The following GPR83 variants were observed in gnomAD, a reference collection of about 807,000 sequenced individuals.
The protein encoded by GPR83 is G protein-coupled receptor 83.
GPR83 carries 23 observed loss-of-function variants against 28.0 expected under a neutral mutation model. The ratio of observed to expected loss-of-function variants is 0.82; its 90% confidence interval spans 0.59 to 1.16. The LOEUF (loss-of-function observed/expected upper bound fraction) is 1.16. GPR83 is among the 50% of genes most tolerant of loss of function. The pLI, the probability that GPR83 is intolerant of heterozygous loss-of-function variation, is 0.00. For synonymous variants in GPR83, 234 were observed against 215.4 expected, an observed-to-expected ratio of 1.09 and a Z score of -0.76; for missense variants, 610 against 536.6, an observed-to-expected ratio of 1.14 and a Z score of -1.35.
At chr11:94,397,931 A>C (rs1418442952) in intron 1 of GPR83, among the ~76,000 whole-genome samples, 1 of 152,230 alleles carries the variant, frequency 6.6e-6, no homozygotes, top group Non-Finnish European at 1.5e-5. Flanking sequence ...TTCTTTGCAG[A>C]GGACAGGGAG....
At position 94,382,364 on chromosome 11, in the gene GPR83, A is replaced by T. The variant is rs1205428018; in HGVS notation, c.648-1591T>A. Reference sequence around the variant, plus strand: ...ATCTCAAAAAAAAAAAAAAAAAAAAAAAAGCAGGAGTTACAATCCTAATCT... The same window carrying T: ...ATCTCAAAAAAAAAAAAAAAAAAAATAAAGCAGGAGTTACAATCCTAATCT... On this transcript the variant is annotated intron_variant, in intron 3 of 3. Coordinates refer to ENST00000243673, the MANE Select transcript of GPR83 (RefSeq NM_016540.4). Among the ~76,000 whole-genome samples the T allele has an allele frequency of 5.3e-5, 8 of 151,444 alleles. 2 individuals carry two copies. The South Asian group carries it at 1.7e-3, about 31-fold the overall frequency.
intron 3 of GPR83, among the ~76,000 whole-genome samples, chr11:94,382,133 A>G (rs7933308): frequency 0.53 from 80,850 of 151,864 alleles, 22,021 homozygotes; most frequent in East Asian, 0.64. Context: ...TGGGCGGATC[A>G]CCTGAGGTCA....
chr11:94,392,608 T>A (rs71477695), intron 3 of GPR83, among the ~76,000 whole-genome samples: 1 of 152,018 alleles, frequency 6.6e-6, no homozygotes, highest in African/African-American at 2.4e-5. Flanking sequence ...GCGGATAACC[T>A]GAGATCAGAA....
chr11:94,383,306 T>C (rs985173513), intron 3 of GPR83, among the ~76,000 whole-genome samples: 6 of 152,064 alleles, frequency 3.9e-5, no homozygotes, highest in African/African-American at 1.4e-4. Context: ...AGACACAACG[T>C]ACCAGAATCT....
At chr11:94,396,287 G>A (rs1044515242) in intron 2 of GPR83, 112 bp downstream of exon 2, 33 of 972,366 alleles carry the variant, frequency 3.4e-5, no homozygotes, top group Non-Finnish European at 5.0e-5. Flanking sequence ...AATAAGAAGA[G>A]AAACACACTC....
intron 1 of GPR83, among the ~76,000 whole-genome samples, chr11:94,399,638 G>A (rs1444814093): frequency 6.6e-6 from 1 of 152,210 alleles, no homozygotes; most frequent in Non-Finnish European, 1.5e-5. Context: ...TGGACTTGTG[G>A]GGGTTCATCC....
Position 94,380,271 on chromosome 11 carries a change from C to T in GPR83, c.1150G>A (p.Ala384Thr), listed in dbSNP as rs1230829644. ...TGGCCATCATTCTTCTCTGTCCAGG[C>T]CACCCTGAAGGAAGGAACTGGGGAG... ...PPSPVPSFRV[A>T]WTEKNDGQRA... The change falls in exon 4 of 4, where the codon GCC (alanine) becomes ACC (threonine). Residue 384 changes from alanine to threonine, a missense_variant. Physicochemically the swap from Ala to Thr is moderately conservative, Grantham distance 58. Transcript: ENST00000243673. 23 of 1,574,974 alleles carry T rather than the reference C, an allele frequency of 1.5e-5. No homozygotes were observed. The highest frequency in any genetic ancestry group is 2.4e-5 in the South Asian group (2 of 83,176).
chr11:94,380,468 T>A lies in GPR83; in HGVS notation c.953A>T (p.Lys318Met). Residue 318 changes from lysine (K) to methionine (M), a missense_variant, in exon 4 of 4, where the codon AAG becomes ATG. Transcript: ENST00000243673. ...LNCYVLLLSS[K>M]VIRTNNALYF... ...GAGGGCATTGTTGGTGCGGATGACC[T>A]TGCTGGACAGGAGGAGGACGTAGCA... 1 of 1,614,152 alleles carries A rather than the reference T, an allele frequency of 6.2e-7. No individual in the cohort carries two copies. The highest frequency in any genetic ancestry group is 8.5e-7 in the Non-Finnish European group (1 of 1,180,004).
Position 94,400,964 on chromosome 11 carries a change from A to T in GPR83, c.284T>A (p.Val95Asp). The T allele has an allele frequency of 6.2e-7, 1 of 1,614,132 alleles. No homozygotes were observed. The highest frequency in any genetic ancestry group is 8.5e-7 in the Non-Finnish European group (1 of 1,179,964). Reference protein sequence around the residue: ...SLFGNVLVCHVIFKNQRMHSA... With the variant: ...SLFGNVLVCHDIFKNQRMHSA... ...GTGCATTCGCTGGTTCTTGAAGATG[A>T]CATGACAGACCAGGACGTTGCCAAA... is the stretch of plus-strand genomic sequence containing the variant. Residue 95 changes from valine (V) to aspartate (D), a missense_variant, in exon 1 of 4, where the codon GTC becomes GAC. Physicochemically the swap from Val to Asp is radical, Grantham distance 152. Coordinates refer to ENST00000243673, the MANE Select transcript of GPR83 (RefSeq NM_016540.4).
chr11:94,400,954 C>A lies in GPR83; in HGVS notation c.294G>T (p.Lys98Asn), dbSNP rs145788421. 958 of 1,614,108 alleles carry A rather than the reference C, an allele frequency of 5.9e-4. 3 individuals carry two copies. The highest frequency in any genetic ancestry group is 1.7e-3 in the Middle Eastern group (10 of 6,060). ...GNVLVCHVIF[K>N]NQRMHSATSL... ...TGGTGGCCGAGTGCATTCGCTGGTT[C>A]TTGAAGATGACATGACAGACCAGGA... The change falls in exon 1 of 4, where the codon AAG (lysine) becomes AAT (asparagine). Residue 98 changes from lysine (K) to asparagine (N), a missense_variant. Physicochemically the swap from Lys to Asn is moderately conservative, Grantham distance 94. Transcript: ENST00000243673.
intron 1 of GPR83, among the ~76,000 whole-genome samples, chr11:94,399,148 C>T (rs1422703536): frequency 6.6e-6 from 1 of 152,158 alleles, no homozygotes; most frequent in Non-Finnish European, 1.5e-5. Flanking sequence ...GTAGCACAGC[C>T]CAACCGTACC....
chr11:94,380,759 C>A lies in GPR83; in HGVS notation c.662G>T (p.Arg221Leu), dbSNP rs149566608. ...AGGGAAGTCTGGCAGGCAGAGGGAG[C>A]GCACAATGTCCTCACTGGGGGCAGG... Reference protein sequence around the residue: ...FTFKYSEDIVRSLCLPDFPEP... With the variant: ...FTFKYSEDIVLSLCLPDFPEP... The change falls in exon 4 of 4, where the codon CGC becomes CTC. Residue 221 changes from arginine (R) to leucine (L), a missense_variant. By Grantham distance (102) the Arg-to-Leu change is moderately radical. Coordinates refer to ENST00000243673, the MANE Select transcript of GPR83 (RefSeq NM_016540.4). 14 of 1,608,938 alleles carry A rather than the reference C, an allele frequency of 8.7e-6. No individual in the cohort carries two copies. The highest frequency in any genetic ancestry group is 1.1e-5 in the Non-Finnish European group (13 of 1,178,316).
intron 1 of GPR83, 140 bp from the exon 2 acceptor site, chr11:94,396,664 G>A: frequency 2.7e-6 from 2 of 747,880 alleles, no homozygotes; most frequent in Non-Finnish European, 4.3e-6. Flanking sequence ...GAATTGTGGA[G>A]TAAACATGAT....
At chr11:94,391,210 A>G (rs1311410908) in intron 3 of GPR83, among the ~76,000 whole-genome samples, 1 of 152,218 alleles carries the variant, frequency 6.6e-6, no homozygotes, top group African/African-American at 2.4e-5. Context: ...CCTGACACAA[A>G]CACACAATGA....
Position 94,401,161 on chromosome 11 carries a change from C to T in GPR83, c.87G>A (p.Ala29=). The part of the protein sequence containing the change: ...PHEGRADEQS[A]EAALAVPNAS... ...CATTGGGCACGGCCAGGGCCGCCTC[C>T]GCGCTCTGCTCGTCGGCCCGGCCCT... The change falls in exon 1 of 4, where the codon GCG becomes GCA. Residue 29 remains alanine, a synonymous_variant. Coordinates refer to ENST00000243673, the MANE Select transcript of GPR83 (RefSeq NM_016540.4). 6.2e-7 allele frequency: 1 copy of T among 1,614,020 alleles called. No homozygotes were observed. Among genetic ancestry groups the T allele is most frequent in the Non-Finnish European group, 8.5e-7 (1 of 1,179,978 alleles).
At chr11:94,381,388 A>G (rs974634391) in intron 3 of GPR83, among the ~76,000 whole-genome samples, 4 of 151,854 alleles carry the variant, frequency 2.6e-5, no homozygotes, top group African/African-American at 9.7e-5. Context: ...TTAGGGGGGA[A>G]AAAAAGTCCT....
At chr11:94,381,509 C>T (rs138598797) in intron 3 of GPR83, among the ~76,000 whole-genome samples, 234 of 151,830 alleles carry the variant, frequency 1.5e-3, no homozygotes, top group Non-Finnish European at 2.8e-3. Context: ...TTGAAATCTG[C>T]CTTCCGAGCC....
intron 2 of GPR83, 112 bp downstream of exon 2, chr11:94,396,287 G>C (rs1044515242): frequency 4.1e-6 from 4 of 972,366 alleles, no homozygotes; most frequent in Admixed American, 3.8e-5. Context: ...AATAAGAAGA[G>C]AAACACACTC....
Position 94,380,106 on chromosome 11 carries a change from C to G in GPR83, c.*43G>C. The G allele has an allele frequency of 6.9e-7, 1 of 1,446,874 alleles. No homozygotes were observed. Among genetic ancestry groups the G allele is most frequent in the African/African-American group, 1.4e-5 (1 of 70,816 alleles). 89.6% of individuals were successfully genotyped at this position (1,446,874 alleles called of 1,614,324 possible). A position where few individuals can be genotyped will look rare whatever the true frequency, so the allele number is the denominator to read the frequency against. On this transcript the variant is annotated 3_prime_UTR_variant, in exon 4 of 4. Coordinates refer to ENST00000243673, the MANE Select transcript of GPR83 (RefSeq NM_016540.4). Reference sequence around the variant, plus strand: ...GAGAATAGGCTCTCTTTCCCTGCCTCAGGTGGAGACAGACCCCTCCCACTC... The same window carrying G: ...GAGAATAGGCTCTCTTTCCCTGCCTGAGGTGGAGACAGACCCCTCCCACTC...
Sources: allele counts gnomAD v4.1 joint callset (sites outside exome capture counted in the v4.1 genomes callset), GRCh38; gene constraint gnomAD v4.1.1; transcripts MANE v1.5; gene names NCBI Gene and HGNC (gene_info 2026-07-23, HGNC 2026-07-21).